EYA1: variants seen among roughly 807,000 people sequenced by gnomAD.
EYA1 encodes the protein EYA transcriptional coactivator and phosphatase 1, also known as protein phosphatase EYA1.
In EYA1, 16 loss-of-function variants were observed where a neutral mutation model predicts 82.0. That is an observed-to-expected ratio of 0.20 (90% CI 0.13 to 0.30). The LOEUF is 0.30. Among genes scored for constraint, EYA1 ranks in the 10% least tolerant of loss-of-function variants. The pLI is 1.00. For synonymous variants in EYA1, 261 were observed against 264.4 expected, an observed-to-expected ratio of 0.99 and a Z score of 0.12; for missense variants, 633 against 730.7, an observed-to-expected ratio of 0.87 and a Z score of 1.54.
chr8:71,469,129 T>C (rs941998607), intron 2 of EYA1, among the ~76,000 whole-genome samples: 3 of 151,520 alleles, frequency 2.0e-5, no homozygotes, highest in African/African-American at 7.3e-5. Flanking sequence ...TATAGTATGT[T>C]TTAGGCACCC....
chr8:71,274,570 CTG>C (rs923869972), intron 9 of EYA1, among the ~76,000 whole-genome samples: 3 of 152,142 alleles, frequency 2.0e-5, no homozygotes, highest in African/African-American at 7.2e-5. Flanking sequence ...CATGCAGGCA[CTG>C]TACCAGGAGC....
chr8:71,413,231 C>A (rs1005716296), intron 2 of EYA1, among the ~76,000 whole-genome samples: 1 of 152,184 alleles, frequency 6.6e-6, no homozygotes, highest in Admixed American at 6.5e-5. Context: ...CTCTAAGCAT[C>A]CATATGGTGG....
At chr8:71,528,862 G>A (rs1814026169) in intron 2 of EYA1, among the ~76,000 whole-genome samples, 1 of 152,174 alleles carries the variant, frequency 6.6e-6, no homozygotes, top group Non-Finnish European at 1.5e-5. Flanking sequence ...GCTTGGAAAG[G>A]CGAAAACAGC....
Position 71,198,748 on chromosome 8 carries a change from C to T in EYA1, c.*592G>A, listed in dbSNP as rs1027487257. The stretch of plus-strand genomic sequence containing the variant: ...GTTGTGAGGCAGAGGCCTTTAATCA[C>T]TTATTTCTAATGCTATTGTCTCTTC... On this transcript the variant is annotated 3_prime_UTR_variant, in exon 18 of 18. Transcript: ENST00000340726. 1 of 159,126 alleles carries T rather than the reference C, an allele frequency of 6.3e-6. No homozygotes were observed. Among genetic ancestry groups the T allele is most frequent in the African/African-American group, 2.4e-5 (1 of 41,440 alleles). 9.9% of individuals were successfully genotyped at this position (159,126 alleles called of 1,614,324 possible). A position where few individuals can be genotyped will look rare whatever the true frequency, so the allele number is the denominator to read the frequency against.
intron 2 of EYA1, among the ~76,000 whole-genome samples, chr8:71,373,811 A>G (rs1828214906): frequency 6.6e-6 from 1 of 152,160 alleles, no homozygotes; most frequent in Admixed American, 6.6e-5. Context: ...ATGGAACAGG[A>G]TAAAGAGTCC....
At chr8:71,364,986 A>G (rs1331509898), upstream of EYA1, among the ~76,000 whole-genome samples, 1 of 122,872 alleles carries the variant, frequency 8.1e-6, no homozygotes, top group African/African-American at 3.3e-5. Context: ...ATATATATAT[A>G]CATATACACA....
At chr8:71,351,630 G>T (rs1301328839) in intron 3 of EYA1, among the ~76,000 whole-genome samples, 2 of 152,220 alleles carry the variant, frequency 1.3e-5, no homozygotes, top group Admixed American at 1.3e-4. Context: ...CTGTAGCTCA[G>T]TGTCTTTCTG....
chr8:71,204,386 G>A (rs1303853716), intron 17 of EYA1, among the ~76,000 whole-genome samples: 1 of 152,216 alleles, frequency 6.6e-6, no homozygotes, highest in Non-Finnish European at 1.5e-5. Context: ...TTAAAAATGT[G>A]TTAATTACAA....
intron 3 of EYA1, among the ~76,000 whole-genome samples, chr8:71,341,011 T>G (rs766383953): frequency 6.6e-6 from 1 of 152,238 alleles, no homozygotes; most frequent in African/African-American, 2.4e-5. Context: ...TCTACTGATA[T>G]GCAGGCTTTG....
chr8:71,224,140 T>C (rs571161450), intron 12 of EYA1, among the ~76,000 whole-genome samples: 4 of 152,280 alleles, frequency 2.6e-5, no homozygotes, highest in African/African-American at 9.6e-5. Flanking sequence ...AGGAAGACTG[T>C]GAGGCAGTTT....
At chr8:71,233,092 C>CTGCAAGCTAACA (rs1811389582) in intron 12 of EYA1, among the ~76,000 whole-genome samples, 4 of 152,120 alleles carry the variant, frequency 2.6e-5, no homozygotes, top group Admixed American at 6.5e-5. Flanking sequence ...ACCACATAAA[C>CTGCAAGCTAACA]AACACTGGGC....
Position 71,416,915 on chromosome 8 carries a change from C to T in EYA1, c.34-60404G>A, listed in dbSNP as rs143629545. ...CTGGGTGTGTCAGTGAGGGTGTTGC[C>T]AAAGGAGATTAACATTTGAGTCAAT... On this transcript the variant is annotated intron_variant, in intron 2 of 18. Coordinates refer to the EYA1 transcript ENST00000643681. 5.9e-5 allele frequency among the ~76,000 whole-genome samples: 9 copies of T among 152,126 alleles called. No homozygotes were observed. In the East Asian group the frequency reaches 1.7e-3, roughly 29 times the overall value.
intron 2 of EYA1, among the ~76,000 whole-genome samples, chr8:71,462,055 A>T (rs1325176706): frequency 1.3e-5 from 2 of 151,068 alleles, no homozygotes; most frequent in Non-Finnish European, 3.0e-5. Flanking sequence ...ACAAGTTCCC[A>T]CTCCAGTCCT....
chr8:71,210,716 A>G (rs1418039950), intron 17 of EYA1, among the ~76,000 whole-genome samples: 1 of 152,194 alleles, frequency 6.6e-6, no homozygotes, highest in African/African-American at 2.4e-5. Flanking sequence ...GGGGCAGCAG[A>G]TAGTTTTATC....
intron 17 of EYA1, among the ~76,000 whole-genome samples, chr8:71,200,987 A>G (rs1806924349): frequency 6.8e-6 from 1 of 146,608 alleles, no homozygotes; most frequent in Non-Finnish European, 1.5e-5. Flanking sequence ...GCGGGACAGA[A>G]AATAATGGAG....
rs767194310 is a variant in EYA1, at chr8:71,215,747, A to G, written c.1361-19T>C. On this transcript the variant is annotated intron_variant, in intron 14 of 17. Transcript: ENST00000340726. ...AGCAGACCTGAGGATTTAAAAGCACATGATGAACTACTTCCTGACCAACAT... is the reference window on the plus strand; with the variant it reads ...AGCAGACCTGAGGATTTAAAAGCACGTGATGAACTACTTCCTGACCAACAT... The G allele has an allele frequency of 9.3e-6, 14 of 1,510,608 alleles. No homozygotes were observed. In the African/African-American group the frequency reaches 1.8e-4, roughly 19 times the overall value. The allele number at this position is 1,510,608 out of a possible 1,614,324, so 93.6% of individuals were successfully genotyped here.
At chr8:71,489,060 T>C (rs983375120) in intron 2 of EYA1, among the ~76,000 whole-genome samples, 2 of 152,230 alleles carry the variant, frequency 1.3e-5, no homozygotes, top group African/African-American at 4.8e-5. Context: ...AAAATTCTTT[T>C]AGGGTTCACG....
At chr8:71,505,327 G>T (rs1050745712) in intron 2 of EYA1, among the ~76,000 whole-genome samples, 4 of 152,192 alleles carry the variant, frequency 2.6e-5, no homozygotes, top group African/African-American at 9.7e-5. Context: ...GCTGGCTCAA[G>T]CAATACAAGA....
chr8:71,441,950 G>A (rs1330914666), intron 2 of EYA1, among the ~76,000 whole-genome samples: 1 of 152,178 alleles, frequency 6.6e-6, no homozygotes, highest in Admixed American at 6.5e-5. Context: ...GGAGGATACA[G>A]TGAGAAGACA....
Sources: gnomAD v4.1 joint callset for allele counts (sites outside exome capture counted in the v4.1 genomes callset) on GRCh38, gnomAD v4.1.1 for gene constraint, MANE v1.5 for transcripts, NCBI Gene and HGNC (gene_info 2026-07-23, HGNC 2026-07-21) for gene names.